The following CYP3A43 variants were observed in gnomAD, a reference collection of about 807,000 sequenced individuals.
The protein encoded by CYP3A43 is cytochrome P450 3A43.
In CYP3A43, 45 loss-of-function variants were observed where a neutral mutation model predicts 58.0. That is an observed-to-expected ratio of 0.78 (90% CI 0.61 to 0.99). The LOEUF (loss-of-function observed/expected upper bound fraction) is 0.99. CYP3A43 is among the 50% of genes least tolerant of loss of function. The pLI is 0.00. For missense variants in CYP3A43, 593 were observed against 591.9 expected (o/e 1.00, Z -0.02); for synonymous variants, 191 against 201.4 (o/e 0.95, Z 0.44).
intron 3 of CYP3A43, among the ~76,000 whole-genome samples, chr7:99,843,057 T>C (rs660629): frequency 0.19 from 29,661 of 152,214 alleles, 5,847 homozygotes; most frequent in African/African-American, 0.51. Flanking sequence ...TCTCTTTTCA[T>C]ATGTTTGCAT....
At chr7:99,852,281 C>T (rs1426817230) in intron 7 of CYP3A43, among the ~76,000 whole-genome samples, 2 of 152,200 alleles carry the variant, frequency 1.3e-5, no homozygotes, top group Non-Finnish European at 2.9e-5. Context: ...GGCTACTCTG[C>T]ATCCCTTACA....
intron 5 of CYP3A43, 186 bp from the exon 6 acceptor site, chr7:99,847,980 C>T (rs1584220173): frequency 1.6e-6 from 1 of 631,016 alleles, no homozygotes; most frequent in African/African-American, 1.8e-5. Flanking sequence ...CGTTGCACTC[C>T]AGCCTGGGCA....
intron 12 of CYP3A43, among the ~76,000 whole-genome samples, chr7:99,864,244 A>C (rs1326397691): frequency 6.7e-6 from 1 of 148,660 alleles, no homozygotes; most frequent in African/African-American, 2.6e-5. Context: ...TCCTCATGTG[A>C]AGCCAATGTT....
intron 11 of CYP3A43, among the ~76,000 whole-genome samples, chr7:99,862,389 T>C (rs1818272561): frequency 6.6e-6 from 1 of 152,192 alleles, no homozygotes; most frequent in South Asian, 2.1e-4. Context: ...TGAGACATCC[T>C]CATCCCTGAT....
At position 99,849,570 on chromosome 7, in the gene CYP3A43, T is replaced by C. The variant is rs759423857; in HGVS notation, c.546T>C (p.Asp182=). 1.2e-5 allele frequency: 20 copies of C among 1,611,326 alleles called. No homozygotes were observed. The highest frequency in any genetic ancestry group is 1.7e-5 in the Non-Finnish European group (20 of 1,179,412). The change falls in exon 7 of 13, where the codon GAT becomes GAC. Residue 182 remains aspartate, a synonymous_variant. Coordinates refer to ENST00000354829, the MANE Select transcript of CYP3A43 (RefSeq NM_057095.3). ...LKDFFGAYTM[D]VITGTLFGVN... Reference sequence around the variant, plus strand: ...GTTTCTTTGGGGCCTACACCATGGATGTAATCACTGGCACATTATTTGGAG... The same window carrying C: ...GTTTCTTTGGGGCCTACACCATGGACGTAATCACTGGCACATTATTTGGAG...
chr7:99,862,959 C>T (rs1818296904), intron 11 of CYP3A43, among the ~76,000 whole-genome samples: 1 of 152,194 alleles, frequency 6.6e-6, no homozygotes, highest in South Asian at 2.1e-4. Context: ...ATCATTCAGT[C>T]ACCAAACAGA....
intron 6 of CYP3A43, among the ~76,000 whole-genome samples, 182 bp downstream of exon 6, chr7:99,848,436 A>G (rs898484554): frequency 5.9e-5 from 9 of 152,236 alleles, no homozygotes; most frequent in Non-Finnish European, 8.8e-5. Context: ...AAGCTGAGAG[A>G]AAAGGATCTT....
intron 1 of CYP3A43, among the ~76,000 whole-genome samples, chr7:99,831,293 A>G (rs1045547140): frequency 2.0e-5 from 3 of 152,238 alleles, no homozygotes; most frequent in African/African-American, 7.2e-5. Context: ...CTAACCTATA[A>G]AGAAGAGAAA....
chr7:99,859,110 A>C (rs1181664871), intron 9 of CYP3A43, among the ~76,000 whole-genome samples: 1 of 152,130 alleles, frequency 6.6e-6, no homozygotes, highest in East Asian at 1.9e-4. Context: ...GTGCCCTAGG[A>C]ACTCTATTAC....
chr7:99,863,799 T>C (rs961941582), intron 12 of CYP3A43, 100 bp downstream of exon 12: 28 of 1,035,188 alleles, frequency 2.7e-5, no homozygotes, highest in Non-Finnish European at 3.7e-5. Context: ...TAATTTGCTC[T>C]GTAGGACAAA....
At chr7:99,853,528 A>G (rs192814997) in intron 7 of CYP3A43, among the ~76,000 whole-genome samples, 5 of 152,162 alleles carry the variant, frequency 3.3e-5, no homozygotes, top group Admixed American at 2.0e-4. Context: ...AAGTTTGCCA[A>G]TTTTGATGAT....
At chr7:99,851,963 C>G (rs556088692) in intron 7 of CYP3A43, among the ~76,000 whole-genome samples, 79 of 152,154 alleles carry the variant, frequency 5.2e-4, no homozygotes, top group Middle Eastern at 3.2e-3. Flanking sequence ...TTCGATGCAT[C>G]TTGATTTTCA....
chr7:99,841,637 T>C (rs1293000913), intron 3 of CYP3A43, among the ~76,000 whole-genome samples: 3 of 152,168 alleles, frequency 2.0e-5, no homozygotes, highest in African/African-American at 7.2e-5. Flanking sequence ...CCTCAGGTGA[T>C]CTGCCCGCCT....
intron 11 of CYP3A43, 112 bp downstream of exon 11, chr7:99,861,951 G>C: frequency 1.1e-6 from 1 of 923,220 alleles, no homozygotes; most frequent in South Asian, 1.9e-5. Flanking sequence ...CATTTTGGAA[G>C]TTTTTTATTA....
chr7:99,829,373 A>G (rs924363523), intron 1 of CYP3A43, among the ~76,000 whole-genome samples: 1 of 152,214 alleles, frequency 6.6e-6, no homozygotes, highest in Non-Finnish European at 1.5e-5. Flanking sequence ...ACATGTACCC[A>G]AGGTGGTCAG....
In CYP3A43 at chr7:99,836,535, T is replaced by C; in HGVS notation, c.154T>C (p.Phe52Leu). The C allele has an allele frequency of 6.3e-7, 1 of 1,599,034 alleles. No individual in the cohort carries two copies. The highest frequency in any genetic ancestry group is 1.8e-5 in the Admixed American group (1 of 56,558). Residue 52 changes from phenylalanine to leucine, a missense_variant, in exon 2 of 13, where the codon TTC (phenylalanine) becomes CTC (leucine). By Grantham distance (22) the Phe-to-Leu change is conservative. Transcript: ENST00000354829. ...TCTGCCTTTTCTGGGAACTATTTTG[T>C]TCTACCTTAGGGTAAGTGTTATTTG... Reference protein sequence around the residue: ...TPLPFLGTILFYLRGLWNFDR... With the variant: ...TPLPFLGTILLYLRGLWNFDR...
At position 99,861,798 on chromosome 7, in the gene CYP3A43, C is replaced by G; in HGVS notation, c.1212C>G (p.Asp404Glu). ...VMVPIYALHH[D>E]PKYWTEPEKF... is the part of the protein sequence containing the mutation. ...TTCCAATCTATGCTCTTCACCATGACCCAAAGTACTGGACAGAGCCTGAGA... is the reference window on the plus strand; with the variant it reads ...TTCCAATCTATGCTCTTCACCATGAGCCAAAGTACTGGACAGAGCCTGAGA... The change falls in exon 11 of 13, where the codon GAC becomes GAG. Residue 404 changes from aspartate (D) to glutamate (E), a missense_variant. Asp to Glu is a conservative substitution (Grantham distance 45, BLOSUM62 2). Transcript: ENST00000354829. The G allele has an allele frequency of 6.2e-7, 1 of 1,614,130 alleles. No homozygotes were observed. Among genetic ancestry groups the G allele is most frequent in the Non-Finnish European group, 8.5e-7 (1 of 1,179,994 alleles).
At position 99,856,884 on chromosome 7, in the gene CYP3A43, A is replaced by G; in HGVS notation, c.850A>G (p.Thr284Ala). 6.2e-7 allele frequency: 1 copy of G among 1,614,080 alleles called. No individual in the cohort carries two copies. The highest frequency in any genetic ancestry group is 8.5e-7 in the Non-Finnish European group (1 of 1,179,988). Residue 284 changes from threonine (T) to alanine (A), a missense_variant, in exon 9 of 13, where the codon ACA becomes GCA. Physicochemically the swap from Thr to Ala is moderately conservative, Grantham distance 58 (BLOSUM62 0). Coordinates refer to ENST00000354829, the MANE Select transcript of CYP3A43 (RefSeq NM_057095.3). ...QMIDSQNSKETKSHKALSDLE... is the reference protein window; with the variant it reads ...QMIDSQNSKEAKSHKALSDLE... ...GATCGACTCCCAGAATTCCAAAGAAACAAAGTCCCATAAAGGTAACCAAGA... is the reference window on the plus strand; with the variant it reads ...GATCGACTCCCAGAATTCCAAAGAAGCAAAGTCCCATAAAGGTAACCAAGA...
Position 99,839,159 on chromosome 7 carries a change from G to A in CYP3A43, c.205G>A (p.Gly69Arg), listed in dbSNP as rs189593899. The A allele has an allele frequency of 6.8e-6, 11 of 1,614,094 alleles. No individual in the cohort carries two copies. The highest frequency in any genetic ancestry group is 1.1e-5 in the South Asian group (1 of 91,076). The change falls in exon 3 of 13, where the codon GGA becomes AGA. Residue 69 changes from glycine to arginine, a missense_variant. By Grantham distance (125) the Gly-to-Arg change is moderately radical. Transcript: ENST00000354829. ...NFDRECNEKY[G>R]EMWGLYEGQQ... ...TGACAGAGAATGTAATGAAAAATAC[G>A]GAGAAATGTGGGGGTGAGTATTCTG...
Sources: allele counts gnomAD v4.1 joint callset (sites outside exome capture counted in the v4.1 genomes callset), GRCh38; gene constraint gnomAD v4.1.1; transcripts MANE v1.5; gene names NCBI Gene and HGNC (gene_info 2026-07-23, HGNC 2026-07-21).